Variants in CABLES1 observed in about 807,000 individuals in gnomAD.
The protein encoded by CABLES1 is CDK5 and ABL1 enzyme substrate 1.
A neutral mutation model predicts 57.8 loss-of-function variants in CABLES1; 36 were observed. That is an observed-to-expected ratio of 0.62 (90% confidence interval 0.48 to 0.82). The LOEUF (loss-of-function observed/expected upper bound fraction) is 0.82, where lower values mean the gene tolerates loss of function less well. Ranked by LOEUF, CABLES1 falls within the 40% of genes least tolerant of loss-of-function variation. The pLI, the probability that CABLES1 is intolerant of heterozygous loss-of-function variation, is 0.00. For synonymous variants in CABLES1, 374 were observed against 363.0 expected, an observed-to-expected ratio of 1.03 and a Z score of -0.35; for missense variants, 767 against 836.6, an observed-to-expected ratio of 0.92 and a Z score of 1.03.
Position 23,236,599 on chromosome 18 carries a change from G to A in CABLES1, c.1343-543G>A, listed in dbSNP as rs534478571. The stretch of plus-strand genomic sequence containing the variant: ...CGTGTCTACTCTCAGGGAAATTCCA[G>A]GTGGATGTGAAGTTCCCTAGGTCTG... On this transcript the variant is annotated intron_variant, in intron 6 of 9. Transcript: ENST00000256925. Among the ~76,000 whole-genome samples, 6 of 152,274 alleles carry A rather than the reference G, an allele frequency of 3.9e-5. No homozygotes were observed. In the East Asian group the frequency reaches 1.2e-3, roughly 29 times the overall value.
intron 1 of CABLES1, among the ~76,000 whole-genome samples, chr18:23,146,909 A>G (rs1331964913): frequency 6.6e-6 from 1 of 152,196 alleles, no homozygotes; most frequent in Non-Finnish European, 1.5e-5. Context: ...TCCAGTCTCA[A>G]ATCTTCTACT....
At chr18:23,148,909 G>A (rs2046909967) in intron 1 of CABLES1, among the ~76,000 whole-genome samples, 1 of 152,120 alleles carries the variant, frequency 6.6e-6, no homozygotes, top group South Asian at 2.1e-4. Flanking sequence ...CTTTTTTTGA[G>A]ATGGAGTCTT....
intron 1 of CABLES1, among the ~76,000 whole-genome samples, chr18:23,183,596 TC>T (rs1413365698): frequency 6.6e-6 from 1 of 152,150 alleles, no homozygotes; most frequent in Non-Finnish European, 1.5e-5. Context: ...GTCAGACAAG[TC>T]TGGGAGCCCT....
chr18:23,181,273 C>T (rs1398556010), intron 1 of CABLES1, among the ~76,000 whole-genome samples: 1 of 152,108 alleles, frequency 6.6e-6, no homozygotes, highest in South Asian at 2.1e-4. Flanking sequence ...GCGGGTGGAT[C>T]ACCTGAGGTC....
At chr18:23,158,232 G>T (rs2046978728) in intron 1 of CABLES1, among the ~76,000 whole-genome samples, 1 of 152,012 alleles carries the variant, frequency 6.6e-6, no homozygotes, top group Non-Finnish European at 1.5e-5. Context: ...AGCCTGGCAG[G>T]TCAAGGCTAC....
intron 1 of CABLES1, among the ~76,000 whole-genome samples, chr18:23,141,397 T>C (rs971211633): frequency 1.3e-5 from 2 of 152,092 alleles, no homozygotes; most frequent in South Asian, 2.1e-4. Context: ...AAAGGGGAGA[T>C]GGATGCTGTT....
Position 23,253,164 on chromosome 18 carries a change from C to T in CABLES1, c.1553+98C>T, listed in dbSNP as rs1598886083. ...TGTCCAGTGGTCCTTCCTGTGGTTCCAGTGATTGAGTCATTGTCACATTCA... is the reference window on the plus strand; with the variant it reads ...TGTCCAGTGGTCCTTCCTGTGGTTCTAGTGATTGAGTCATTGTCACATTCA... On this transcript the variant is annotated intron_variant, in intron 8 of 9. Transcript: ENST00000256925. 1.7e-5 allele frequency: 12 copies of T among 706,420 alleles called. No homozygotes were observed. In the East Asian group the frequency reaches 3.2e-4, roughly 19 times the overall value. 43.8% of individuals were successfully genotyped at this position (706,420 alleles called of 1,614,324 possible). A position where few individuals can be genotyped will look rare whatever the true frequency, so the allele number is the denominator to read the frequency against.
intron 1 of CABLES1, among the ~76,000 whole-genome samples, chr18:23,166,934 C>G (rs982800414): frequency 4.6e-5 from 7 of 152,110 alleles, no homozygotes; most frequent in Non-Finnish European, 7.4e-5. Flanking sequence ...CGTGATTTCT[C>G]TGCTGAAGGT....
At chr18:23,244,958 G>A (rs1424221999) in intron 7 of CABLES1, among the ~76,000 whole-genome samples, 1 of 152,230 alleles carries the variant, frequency 6.6e-6, no homozygotes, top group Non-Finnish European at 1.5e-5. Flanking sequence ...AGCTTTATCC[G>A]CCCTAGAGCG....
chr18:23,248,965 A>G (rs1051340083), intron 7 of CABLES1, among the ~76,000 whole-genome samples: 5 of 152,274 alleles, frequency 3.3e-5, no homozygotes, highest in African/African-American at 1.2e-4. Flanking sequence ...AGGAGGCTGC[A>G]GCTGCCTGGG....
At chr18:23,138,942 A>C (rs2046840358) in intron 1 of CABLES1, among the ~76,000 whole-genome samples, 2 of 152,016 alleles carry the variant, frequency 1.3e-5, no homozygotes, top group Admixed American at 1.3e-4. Flanking sequence ...ACTCTTCCCT[A>C]CTCCAGACTA....
intron 1 of CABLES1, among the ~76,000 whole-genome samples, chr18:23,181,048 GTTCCC>G (rs2047161928): frequency 6.6e-6 from 1 of 152,154 alleles, no homozygotes; most frequent in Admixed American, 6.5e-5. Flanking sequence ...GAACATGTAG[GTTCCC>G]AGAGTCTATA....
intron 3 of CABLES1, among the ~76,000 whole-genome samples, chr18:23,212,918 T>C (rs1236305519): frequency 6.6e-6 from 1 of 152,098 alleles, no homozygotes; most frequent in Non-Finnish European, 1.5e-5. Flanking sequence ...AGAACACAAG[T>C]ATAAAACAGC....
chr18:23,140,424 CT>C (rs1326863108), intron 1 of CABLES1, among the ~76,000 whole-genome samples: 1 of 145,980 alleles, frequency 6.9e-6, no homozygotes, highest in East Asian at 2.0e-4. Flanking sequence ...ATTTTTCTTT[CT>C]TTCGTTTTCT....
chr18:23,177,534 G>A (rs2047133227), intron 1 of CABLES1, among the ~76,000 whole-genome samples: 1 of 152,114 alleles, frequency 6.6e-6, no homozygotes, highest in Admixed American at 6.5e-5. Context: ...TGGGGTCTCT[G>A]TCCGGGTCCT....
At chr18:23,223,053 G>A (rs2047500971) in intron 4 of CABLES1, among the ~76,000 whole-genome samples, 1 of 152,198 alleles carries the variant, frequency 6.6e-6, no homozygotes, top group South Asian at 2.1e-4. Flanking sequence ...CTTGCACCCT[G>A]AATGTTAAGC....
chr18:23,135,673 C>T lies in CABLES1; in HGVS notation c.-90C>T. ...GCCCGATCCCCGCGCCCTACCCAGC[C>T]CGGGTCGCCGCCGCTCGCGCCCGCC... On this transcript the variant is annotated 5_prime_UTR_variant, in exon 1 of 10. Transcript: ENST00000256925. The T allele has an allele frequency of 4.3e-5, 42 of 978,220 alleles. No individual in the cohort carries two copies. Among genetic ancestry groups the T allele is most frequent in the Non-Finnish European group, 5.0e-5 (41 of 825,262 alleles). The allele number at this position is 978,220 out of a possible 1,614,324, so 60.6% of individuals were successfully genotyped here. A position where few individuals can be genotyped will look rare whatever the true frequency, so the allele number is the denominator to read the frequency against.
At chr18:23,140,308 T>C (rs1469499898) in intron 1 of CABLES1, among the ~76,000 whole-genome samples, 1 of 152,202 alleles carries the variant, frequency 6.6e-6, no homozygotes, top group Non-Finnish European at 1.5e-5. Context: ...TGTGTTACTC[T>C]ACTTCCCGGA....
intron 7 of CABLES1, among the ~76,000 whole-genome samples, chr18:23,248,178 C>G (rs1460977791): frequency 6.6e-6 from 1 of 152,204 alleles, no homozygotes; most frequent in Non-Finnish European, 1.5e-5. Context: ...AAAAATGGGT[C>G]AGGGAGTGTG....
Sources: allele counts gnomAD v4.1 joint callset (sites outside exome capture counted in the v4.1 genomes callset), GRCh38; gene constraint gnomAD v4.1.1; transcripts MANE v1.5; gene names NCBI Gene and HGNC (gene_info 2026-07-23, HGNC 2026-07-21).